The following WASHC5 variants were observed in gnomAD, a reference collection of about 807,000 sequenced individuals.
The protein encoded by WASHC5 is WASH complex subunit strumpellin.
A neutral mutation model predicts 150.4 loss-of-function variants in WASHC5; 101 were observed. The ratio of observed to expected loss-of-function variants is 0.67; its 90% CI spans 0.57 to 0.79. The LOEUF (loss-of-function observed/expected upper bound fraction) is 0.79, where lower values mean the gene tolerates loss of function less well. Among genes scored for constraint, WASHC5 ranks in the 30% least tolerant of loss-of-function variants. The probability of loss-of-function intolerance (pLI) is 0.00; values close to 1 mark genes in which losing one functional copy is unlikely to be tolerated. For synonymous variants in WASHC5, 467 were observed against 491.2 expected (o/e 0.95, Z 0.65); for missense variants, 1,195 against 1,396.3 (o/e 0.86, Z 2.30).
At chr8:125,062,266 A>G (rs1816618257) in intron 11 of WASHC5, among the ~76,000 whole-genome samples, 1 of 152,208 alleles carries the variant, frequency 6.6e-6, no homozygotes, top group Non-Finnish European at 1.5e-5. Flanking sequence ...TATATATAAA[A>G]TAAGGATTAA....
Position 125,085,551 on chromosome 8 carries a change from AAACC to A in WASHC5, c.-124-1533_-124-1530del, listed in dbSNP as rs958614008. ...GAAAAAAAGATGTCACTAGGAATGA[AAACC>A]AACCAACCAACAAAACATACATGTG... On this transcript the variant is annotated intron_variant, in intron 1 of 28. Coordinates refer to ENST00000318410, the MANE Select transcript of WASHC5 (RefSeq NM_014846.4). Among the ~76,000 whole-genome samples, 19 of 152,330 alleles carry A rather than the reference AAACC, an allele frequency of 1.2e-4. No homozygotes were observed. The South Asian group carries it at 3.7e-3, about 30-fold the overall frequency.
chr8:125,065,619 CTT>C (rs780278604), intron 10 of WASHC5, among the ~76,000 whole-genome samples: 26 of 130,652 alleles, frequency 2.0e-4, no homozygotes, highest in African/African-American at 2.5e-4. Context: ...TCTTTCATTC[CTT>C]TTTTTTTTTT....
At chr8:125,047,167 C>T in intron 20 of WASHC5, 40 bp downstream of exon 20, 2 of 1,612,878 alleles carry the variant, frequency 1.2e-6, no homozygotes, top group African/African-American at 1.3e-5. Flanking sequence ...ATGAGACTGC[C>T]TGCAGTATTC....
chr8:125,076,826 A>T (rs1447926405), intron 6 of WASHC5, among the ~76,000 whole-genome samples: 1 of 149,800 alleles, frequency 6.7e-6, no homozygotes, highest in Non-Finnish European at 1.5e-5. Context: ...GACAACCCTT[A>T]GAACTGACAG....
At chr8:125,044,816 G>T (rs1164537504) in intron 20 of WASHC5, 118 bp from the exon 21 acceptor site, 5 of 1,057,498 alleles carry the variant, frequency 4.7e-6, no homozygotes, top group Non-Finnish European at 5.8e-6. Flanking sequence ...CATGATCTGT[G>T]TTTTCTAACC....
intron 16 of WASHC5, among the ~76,000 whole-genome samples, chr8:125,056,248 G>T (rs4570178): frequency 0.11 from 16,593 of 152,130 alleles, 2,116 homozygotes; most frequent in African/African-American, 0.31. Context: ...GGTGCTTGGG[G>T]AGAAGAACCT....
At chr8:125,070,347 T>C (rs1586374799) in intron 9 of WASHC5, among the ~76,000 whole-genome samples, 1 of 152,050 alleles carries the variant, frequency 6.6e-6, no homozygotes, top group East Asian at 1.9e-4. Flanking sequence ...ATTACGACCC[T>C]GTGCAATCAG....
chr8:125,061,040 A>C, intron 12 of WASHC5, 42 bp downstream of exon 12: 1 of 1,110,642 alleles, frequency 9.0e-7, no homozygotes. Context: ...ATAAGGTGTG[A>C]TTCATGATCC....
chr8:125,068,862 C>T (rs181357175), intron 9 of WASHC5, among the ~76,000 whole-genome samples: 4 of 152,264 alleles, frequency 2.6e-5, no homozygotes, highest in African/African-American at 7.2e-5. Context: ...ATCCTATCTG[C>T]CAAGCTAAAC....
intron 20 of WASHC5, among the ~76,000 whole-genome samples, chr8:125,046,514 G>A (rs1282189154): frequency 6.6e-6 from 1 of 152,156 alleles, no homozygotes; most frequent in Non-Finnish European, 1.5e-5. Context: ...CCTAGGAGCT[G>A]GGCTCTGGAG....
rs1275757865 is a variant in WASHC5 at position 125,032,460 on chromosome 8, A to G, written c.3182-66T>C. 12 of 1,550,312 alleles carry G rather than the reference A, an allele frequency of 7.7e-6. No individual in the cohort carries two copies. In the African/African-American group the frequency reaches 9.5e-5, roughly 12 times the overall value. On this transcript the variant is annotated intron_variant, in intron 26 of 28. Transcript: ENST00000318410. ...CTTCAGCAACATTCATTAAATACCA[A>G]CGCTGTGAAGGTCAAAATGTTTGGG...
intron 1 of WASHC5, among the ~76,000 whole-genome samples, chr8:125,089,282 G>C (rs557706192): frequency 6.6e-6 from 1 of 152,234 alleles, no homozygotes; most frequent in South Asian, 2.1e-4. Context: ...GTCTAAGTAG[G>C]ATGAAACTTT....
chr8:125,071,969 A>G (rs1816908299), intron 9 of WASHC5, among the ~76,000 whole-genome samples: 1 of 152,098 alleles, frequency 6.6e-6, no homozygotes, highest in South Asian at 2.1e-4. Context: ...AAAGCCAGCA[A>G]TGGCCAGTCA....
chr8:125,065,307 T>G (rs1041488527), intron 10 of WASHC5, among the ~76,000 whole-genome samples: 3 of 152,180 alleles, frequency 2.0e-5, no homozygotes, highest in African/African-American at 7.2e-5. Context: ...ATCATTTCTT[T>G]GAGCAATTTG....
At chr8:125,060,059 TA>T (rs1259130199) in intron 12 of WASHC5, among the ~76,000 whole-genome samples, 2 of 152,198 alleles carry the variant, frequency 1.3e-5, no homozygotes, top group Non-Finnish European at 2.9e-5. Flanking sequence ...GCGACCATCC[TA>T]AAAACCTTGC....
intron 26 of WASHC5, chr8:125,032,663 AT>A: frequency 4.3e-6 from 2 of 462,552 alleles, no homozygotes; most frequent in Admixed American, 6.9e-5. Flanking sequence ...CAATTAACAT[AT>A]ATTATTGTAG....
chr8:125,078,738 C>T lies in WASHC5; in HGVS notation c.711G>A (p.Gln237=). ...GRLRSDDIYN[Q]VSAYPLPEHR... ...AGGTCTTAATAGATTTAATTCCCACCTGGTTGTAAATATCATCAGATCTCA... is the reference window on the plus strand; with the variant it reads ...AGGTCTTAATAGATTTAATTCCCACTTGGTTGTAAATATCATCAGATCTCA... Residue 237 remains glutamine (Q), a splice_region_variant and synonymous_variant, in exon 6 of 29, where the codon CAG becomes CAA. Transcript: ENST00000318410. 1 of 1,611,220 alleles carries T rather than the reference C, an allele frequency of 6.2e-7. No individual in the cohort carries two copies. Among genetic ancestry groups the T allele is most frequent in the Non-Finnish European group, 8.5e-7 (1 of 1,177,578 alleles).
intron 25 of WASHC5, among the ~76,000 whole-genome samples, chr8:125,037,902 G>GCCAGGT (rs1175360470): frequency 6.6e-6 from 1 of 152,184 alleles, no homozygotes; most frequent in African/African-American, 2.4e-5. Context: ...GGCGTACATG[G>GCCAGGT]CCAGGTCCAG....
chr8:125,048,263 TCATGTCAGTTCCCA>T (rs1414341827), intron 19 of WASHC5, among the ~76,000 whole-genome samples: 1 of 152,208 alleles, frequency 6.6e-6, no homozygotes, highest in African/African-American at 2.4e-5. Context: ...GTCACCCAAA[TCATGTCAGTTCCCA>T]CATGAAAACT....
Sources: allele counts gnomAD v4.1 joint callset (sites outside exome capture counted in the v4.1 genomes callset), GRCh38; gene constraint gnomAD v4.1.1; transcripts MANE v1.5; gene names NCBI Gene and HGNC (gene_info 2026-07-23, HGNC 2026-07-21).